Variants in ZFP1 observed in about 807,000 individuals in gnomAD.
ZFP1 encodes the protein ZFP1 zinc finger protein.
In ZFP1, 32 loss-of-function variants were observed where a neutral mutation model predicts 38.5. The ratio of observed to expected loss-of-function variants is 0.83; its 90% CI spans 0.63 to 1.12. The LOEUF (loss-of-function observed/expected upper bound fraction) is 1.12, where lower values mean the gene tolerates loss of function less well. Among genes scored for constraint, ZFP1 ranks in the 50% most tolerant of loss-of-function variants. ZFP1 has a pLI of 0.00. For missense variants in ZFP1, 616 were observed against 480.8 expected (o/e 1.28, Z -2.63); for synonymous variants, 245 against 168.8 (o/e 1.45, Z -3.50).
In ZFP1 at chr16:75,170,238, A is replaced by G. The variant is rs752795197; in HGVS notation, c.1128A>G (p.Gly376=). ...TLRLHLRIHT[G]EKPYECSECG... ...GATTACACTTGCGAATCCACACAGG[A>G]GAGAAACCATATGAGTGTTCCGAAT... Residue 376 remains glycine (G), a synonymous_variant, in exon 4 of 4, where the codon GGA becomes GGG. Transcript: ENST00000570010. 3.7e-6 allele frequency: 6 copies of G among 1,614,168 alleles called. No homozygotes were observed. Among genetic ancestry groups the G allele is most frequent in the Non-Finnish European group, 5.1e-6 (6 of 1,180,002 alleles).
chr16:75,125,722 A>G, the ZFP1 span, among the ~76,000 whole-genome samples: 9,986 of 152,102 alleles, frequency 0.066, 1,130 homozygotes, highest in African/African-American at 0.23. Context: ...ACTAGGGCTT[A>G]TCATTTAAAT....
chr16:75,142,053 C>G, the ZFP1 span, among the ~76,000 whole-genome samples: 2 of 80,274 alleles, frequency 2.5e-5, no homozygotes, highest in African/African-American at 1.0e-4. Context: ...GACTCCATCT[C>G]AAAGAAAAAA....
intron 2 of ZFP1, among the ~76,000 whole-genome samples, chr16:75,158,716 TC>T (rs1384293936): frequency 4.0e-5 from 6 of 151,742 alleles, no homozygotes; most frequent in Non-Finnish European, 1.5e-5. Context: ...GTTCCTATTT[TC>T]CCTTTTATCT....
the ZFP1 span, among the ~76,000 whole-genome samples, chr16:75,141,260 T>C: frequency 7.5e-6 from 1 of 132,602 alleles, no homozygotes; most frequent in Non-Finnish European, 1.5e-5. Flanking sequence ...TGGAGTGCAG[T>C]GGTGCAATCT....
intron 2 of ZFP1, among the ~76,000 whole-genome samples, chr16:75,166,386 A>G (rs1179096387): frequency 1.3e-5 from 2 of 152,106 alleles, no homozygotes; most frequent in Non-Finnish European, 2.9e-5. Context: ...GGCATGTGCC[A>G]CCATGCCCGA....
At position 75,172,052 on chromosome 16, in the gene ZFP1, C is replaced by T. The variant is rs1174625284; in HGVS notation, c.*1718C>T. 1 of 152,054 alleles carries T rather than the reference C, an allele frequency of 6.6e-6. No individual in the cohort carries two copies. The highest frequency in any genetic ancestry group is 6.6e-5 in the Admixed American group (1 of 15,256). 9.4% of individuals were successfully genotyped at this position (152,054 alleles called of 1,614,324 possible). A position where few individuals can be genotyped will look rare whatever the true frequency, so the allele number is the denominator to read the frequency against. On this transcript the variant is annotated 3_prime_UTR_variant, in exon 4 of 4. Coordinates refer to ENST00000570010, the MANE Select transcript of ZFP1 (RefSeq NM_153688.4). The stretch of plus-strand genomic sequence containing the variant: ...AAAAAACAAACAAAAAAAAGACCAT[C>T]AGTAAGGGAATGGATGAATAAATTG...
chr16:75,123,113 G>T, the ZFP1 span, among the ~76,000 whole-genome samples: 12 of 152,008 alleles, frequency 7.9e-5, no homozygotes, highest in South Asian at 2.1e-4. Flanking sequence ...CAGCACTTGG[G>T]GAGGACAAGG....
At chr16:75,157,252 T>C (rs2037516358) in intron 2 of ZFP1, 2 of 147,468 alleles carry the variant, frequency 1.4e-5, no homozygotes, top group African/African-American at 5.0e-5. Context: ...GTCTTTTTTT[T>C]TTTTTTTTTT....
chr16:75,140,288 G>T, the ZFP1 span, among the ~76,000 whole-genome samples: 1 of 150,826 alleles, frequency 6.6e-6, no homozygotes, highest in East Asian at 1.9e-4. Flanking sequence ...AAAAGTTGAG[G>T]CCAGGTGTGG....
chr16:75,134,994 C>T, the ZFP1 span, among the ~76,000 whole-genome samples: 1 of 151,214 alleles, frequency 6.6e-6, no homozygotes, highest in Non-Finnish European at 1.5e-5. Context: ...GCGGTGTTTG[C>T]GATAAGCTGA....
intron 3 of ZFP1, among the ~76,000 whole-genome samples, chr16:75,168,374 C>T (rs2038216465): frequency 6.6e-6 from 1 of 151,824 alleles, no homozygotes; most frequent in East Asian, 1.9e-4. Flanking sequence ...GTGGCTCATG[C>T]CTGGAATATT....
intron 2 of ZFP1, among the ~76,000 whole-genome samples, chr16:75,163,795 G>C (rs1410268549): frequency 6.6e-6 from 1 of 152,044 alleles, no homozygotes; most frequent in African/African-American, 2.4e-5. Flanking sequence ...TGTTGTTGTA[G>C]AGACAGGGTC....
intron 2 of ZFP1, among the ~76,000 whole-genome samples, chr16:75,158,433 T>G (rs1423625563): frequency 1.3e-5 from 2 of 151,904 alleles, no homozygotes; most frequent in Non-Finnish European, 2.9e-5. Flanking sequence ...CTTGGCTCAT[T>G]GCAGCCTCAA....
At chr16:75,165,435 C>T (rs2038017391) in intron 2 of ZFP1, among the ~76,000 whole-genome samples, 1 of 152,030 alleles carries the variant, frequency 6.6e-6, no homozygotes, top group African/African-American at 2.4e-5. Context: ...TGCTCTGTCA[C>T]CCAGGCTCAA....
intron 2 of ZFP1, among the ~76,000 whole-genome samples, chr16:75,163,004 G>A (rs900162420): frequency 2.0e-5 from 3 of 151,502 alleles, no homozygotes; most frequent in Non-Finnish European, 4.4e-5. Flanking sequence ...CCGCCTCCTG[G>A]GTTCAAGCGA....
At chr16:75,124,833 G>C in the ZFP1 span, among the ~76,000 whole-genome samples, 1 of 138,558 alleles carries the variant, frequency 7.2e-6, no homozygotes, top group Non-Finnish European at 1.5e-5. Flanking sequence ...GAATAAAAGA[G>C]ATGTAAAAAA....
At chr16:75,167,396 CTTTT>C (rs11417475) in intron 3 of ZFP1, among the ~76,000 whole-genome samples, 6 of 148,716 alleles carry the variant, frequency 4.0e-5, no homozygotes, top group East Asian at 2.0e-4. Flanking sequence ...CCCTGCTTAC[CTTTT>C]TTTTTTTCCT....
intron 1 of ZFP1, among the ~76,000 whole-genome samples, chr16:75,151,184 T>C (rs2037187924): frequency 6.6e-6 from 1 of 152,064 alleles, no homozygotes. Flanking sequence ...TTTATCTTTT[T>C]TTTTTTTAAT....
chr16:75,123,493 A>G, the ZFP1 span, among the ~76,000 whole-genome samples: 3 of 109,276 alleles, frequency 2.7e-5, no homozygotes, highest in East Asian at 6.2e-4. Flanking sequence ...ATATATATAT[A>G]TATATATGTA....
Sources: allele counts gnomAD v4.1 joint callset (sites outside exome capture counted in the v4.1 genomes callset), GRCh38; gene constraint gnomAD v4.1.1; transcripts MANE v1.5; gene names NCBI Gene and HGNC (gene_info 2026-07-23, HGNC 2026-07-21).